Variants in HS3ST4 observed in about 807,000 individuals in gnomAD.
HS3ST4 encodes heparan sulfate glucosamine 3-O-sulfotransferase 4.
Under a neutral mutation model 29.2 loss-of-function variants are expected in HS3ST4, and 17 were observed. That is an observed-to-expected ratio of 0.58 (90% CI 0.40 to 0.87). HS3ST4 has a LOEUF of 0.87. HS3ST4 is among the 40% of genes least tolerant of loss of function. The pLI is 0.00. For synonymous variants in HS3ST4, 314 were observed against 285.7 expected, an observed-to-expected ratio of 1.10 and a Z score of -1.00; for missense variants, 627 against 634.5, an observed-to-expected ratio of 0.99 and a Z score of 0.13.
At chr16:25,781,133 A>G (rs1966852229) in intron 1 of HS3ST4, among the ~76,000 whole-genome samples, 1 of 152,092 alleles carries the variant, frequency 6.6e-6, no homozygotes, top group South Asian at 2.1e-4. Flanking sequence ...TCTGTCTTCT[A>G]CCTCACCTAC....
In HS3ST4 at chr16:26,135,918, C is replaced by T. The variant is rs917637877; in HGVS notation, c.1041C>T (p.Phe347=). 9 of 1,613,968 alleles carry T rather than the reference C, an allele frequency of 5.6e-6. No homozygotes were observed. Among genetic ancestry groups the T allele is most frequent in the South Asian group, 1.1e-5 (1 of 91,076 alleles). ...ATCTGGAAAACTGGCTCCAGTATTT[C>T]CCCCTCTCCCAGATCCTCTTTGTCA... ...ALHLENWLQY[F]PLSQILFVSG... is the part of the protein sequence containing the mutation. The change falls in exon 2 of 2, where the codon TTC becomes TTT. Residue 347 remains phenylalanine (F), a synonymous_variant. Transcript: ENST00000331351.
intron 1 of HS3ST4, among the ~76,000 whole-genome samples, chr16:25,747,037 T>G (rs1438537089): frequency 3.9e-5 from 6 of 152,114 alleles, no homozygotes; most frequent in Non-Finnish European, 8.8e-5. Flanking sequence ...ATTTTAATTT[T>G]CTGTAGAGAT....
chr16:26,002,726 A>T (rs1969222750), intron 1 of HS3ST4, among the ~76,000 whole-genome samples: 1 of 135,396 alleles, frequency 7.4e-6, no homozygotes, highest in Non-Finnish European at 1.6e-5. Flanking sequence ...GAAGGGAGGG[A>T]GGGAGGGAGA....
chr16:26,033,839 T>C (rs879734693), intron 1 of HS3ST4, among the ~76,000 whole-genome samples: 1 of 152,192 alleles, frequency 6.6e-6, no homozygotes, highest in Admixed American at 6.5e-5. Context: ...GATCCTAGCC[T>C]CTCTGAGCCT....
intron 1 of HS3ST4, among the ~76,000 whole-genome samples, chr16:25,825,098 T>C (rs1485418457): frequency 6.6e-6 from 1 of 152,090 alleles, no homozygotes; most frequent in Non-Finnish European, 1.5e-5. Context: ...TGTGAAGACA[T>C]CAAGACAAAA....
intron 1 of HS3ST4, among the ~76,000 whole-genome samples, chr16:25,938,409 T>A (rs916871159): frequency 6.6e-6 from 1 of 152,204 alleles, no homozygotes; most frequent in East Asian, 1.9e-4. Flanking sequence ...AGGAAAAAAA[T>A]AAGTGTGCAT....
At chr16:25,775,564 A>G (rs1219287799) in intron 1 of HS3ST4, among the ~76,000 whole-genome samples, 2 of 152,098 alleles carry the variant, frequency 1.3e-5, no homozygotes, top group Non-Finnish European at 2.9e-5. Context: ...AAGTCACTCC[A>G]TCCCCACCAC....
chr16:25,695,376 G>A (rs545907060), intron 1 of HS3ST4, among the ~76,000 whole-genome samples: 1 of 152,198 alleles, frequency 6.6e-6, no homozygotes, highest in Non-Finnish European at 1.5e-5. Flanking sequence ...CTAACATAGA[G>A]GAGATCATTA....
chr16:25,737,612 G>C (rs1282207216), intron 1 of HS3ST4, among the ~76,000 whole-genome samples: 5 of 152,110 alleles, frequency 3.3e-5, no homozygotes, highest in Admixed American at 2.6e-4. Flanking sequence ...TGGGAGGGGG[G>C]TGAGATATTA....
At chr16:26,104,933 C>A (rs981054441) in intron 1 of HS3ST4, among the ~76,000 whole-genome samples, 1 of 152,186 alleles carries the variant, frequency 6.6e-6, no homozygotes, top group African/African-American at 2.4e-5. Flanking sequence ...GCTGCCACAT[C>A]TCATCACATC....
In HS3ST4 at chr16:25,776,036, GCCT is replaced by G. The variant is rs1173138363; in HGVS notation, c.734+82893_734+82895del. Among the ~76,000 whole-genome samples, 4 of 152,330 alleles carry G rather than the reference GCCT, an allele frequency of 2.6e-5. No homozygotes were observed. The South Asian group carries it at 8.3e-4, about 32-fold the overall frequency. ...CAGTGGTATTTTGCCAAAGAAGTTA[GCCT>G]CCTCCTCTCAGTCCAGGAGTCTGGC... is the stretch of plus-strand genomic sequence containing the variant. On this transcript the variant is annotated intron_variant, in intron 1 of 1. Coordinates refer to ENST00000331351, the MANE Select transcript of HS3ST4 (RefSeq NM_006040.3).
intron 1 of HS3ST4, among the ~76,000 whole-genome samples, chr16:25,973,678 G>T (rs900059431): frequency 6.6e-6 from 1 of 152,070 alleles, no homozygotes. Context: ...GATTTTTTCC[G>T]ACCTTGAATA....
chr16:25,800,996 G>A (rs1217758901), intron 1 of HS3ST4, among the ~76,000 whole-genome samples: 1 of 152,126 alleles, frequency 6.6e-6, no homozygotes, highest in African/African-American at 2.4e-5. Context: ...TTTTGTTACA[G>A]CCGCGTGAAC....
At chr16:25,797,555 TATC>T (rs974956310) in intron 1 of HS3ST4, among the ~76,000 whole-genome samples, 1 of 152,198 alleles carries the variant, frequency 6.6e-6, no homozygotes, top group Admixed American at 6.5e-5. Flanking sequence ...TTAATAATAA[TATC>T]ATTGTTGTTG....
At chr16:25,843,646 CAA>C (rs1309213702) in intron 1 of HS3ST4, among the ~76,000 whole-genome samples, 1 of 152,130 alleles carries the variant, frequency 6.6e-6, no homozygotes, top group Non-Finnish European at 1.5e-5. Flanking sequence ...GCTCTTTTGG[CAA>C]AGAGACTTTG....
rs553400882 is a variant in HS3ST4 at position 25,872,748 on chromosome 16, G to T, written c.734+179597G>T. 5.3e-5 allele frequency among the ~76,000 whole-genome samples: 8 copies of T among 152,290 alleles called. 1 individual carries two copies. In the East Asian group the frequency reaches 1.5e-3, roughly 29 times the overall value. ...ACAAGGCTAGATTCAAAGAGTAGAT[G>T]AATAAAATCTACCACTTGATGGGAA... On this transcript the variant is annotated intron_variant, in intron 1 of 1. Coordinates refer to ENST00000331351, the MANE Select transcript of HS3ST4 (RefSeq NM_006040.3).
At chr16:25,739,841 T>C (rs912262782) in intron 1 of HS3ST4, among the ~76,000 whole-genome samples, 6 of 152,192 alleles carry the variant, frequency 3.9e-5, no homozygotes, top group Admixed American at 2.0e-4. Context: ...AAAAATGCCA[T>C]TCTGAATTTG....
chr16:25,753,299 T>A (rs1966733494), intron 1 of HS3ST4, among the ~76,000 whole-genome samples: 1 of 152,218 alleles, frequency 6.6e-6, no homozygotes, highest in Non-Finnish European at 1.5e-5. Flanking sequence ...TTGAGACATT[T>A]TCACGGGGCT....
intron 1 of HS3ST4, among the ~76,000 whole-genome samples, chr16:26,074,313 C>A (rs537288678): frequency 1.3e-5 from 2 of 152,152 alleles, no homozygotes; most frequent in African/African-American, 4.8e-5. Flanking sequence ...CTGTTTCTTA[C>A]GGCTGGAAAA....
Sources: gnomAD v4.1 joint callset for allele counts (sites outside exome capture counted in the v4.1 genomes callset) on GRCh38, gnomAD v4.1.1 for gene constraint, MANE v1.5 for transcripts, NCBI Gene and HGNC (gene_info 2026-07-23, HGNC 2026-07-21) for gene names.